CDH23: variants seen among roughly 807,000 people sequenced by gnomAD.
The protein encoded by CDH23 is cadherin related 23.
CDH23 carries 189 observed loss-of-function variants against 317.1 expected under a neutral mutation model. The observed-to-expected ratio is 0.60, with a 90% confidence interval of 0.53 to 0.67. The LOEUF (loss-of-function observed/expected upper bound fraction) is 0.67, where lower values mean the gene tolerates loss of function less well. Among genes scored for constraint, CDH23 ranks in the 30% least tolerant of loss-of-function variants. CDH23 has a pLI of 0.00. For missense variants in CDH23, 4,401 were observed against 4,592.4 expected (o/e 0.96, Z 1.20); for synonymous variants, 1,839 against 1,876.8 (o/e 0.98, Z 0.52).
rs143222936 is a variant in CDH23, at chr10:71,815,451, C to T, written c.*173C>T. 2.4e-3 allele frequency: 1,321 copies of T among 543,838 alleles called. 16 individuals carry two copies. Among genetic ancestry groups the T allele is most frequent in the African/African-American group, 0.021 (1,107 of 53,250 alleles). The allele number at this position is 543,838 out of a possible 1,614,324, so 33.7% of individuals were successfully genotyped here. Reference sequence around the variant, plus strand: ...CTGCTCAGATCCCACTTTTGCCAGACGCTCATTCAGCATCTGACCTCTACC... The same window carrying T: ...CTGCTCAGATCCCACTTTTGCCAGATGCTCATTCAGCATCTGACCTCTACC... On this transcript the variant is annotated 3_prime_UTR_variant, in exon 70 of 70. Transcript: ENST00000224721.
intron 60 of CDH23, among the ~76,000 whole-genome samples, chr10:71,808,466 C>T (rs368228757): frequency 1.7e-3 from 265 of 152,298 alleles, no homozygotes; most frequent in African/African-American, 5.3e-3. Flanking sequence ...TTTTCAGTTG[C>T]GCACATCGCC....
At chr10:71,637,847 A>G (rs550051971) in intron 11 of CDH23, among the ~76,000 whole-genome samples, 33 of 77,712 alleles carry the variant, frequency 4.2e-4, no homozygotes, top group Middle Eastern at 0.01. Context: ...CTACCCCCCG[A>G]CCCCAAACAT....
chr10:71,413,263 C>A (rs1028249932), intron 1 of CDH23, among the ~76,000 whole-genome samples: 2 of 152,090 alleles, frequency 1.3e-5, no homozygotes. Context: ...GATCTTAGCA[C>A]CCTTGTTAAA....
intron 2 of CDH23, among the ~76,000 whole-genome samples, chr10:71,440,169 C>T (rs1240268851): frequency 6.6e-6 from 1 of 152,188 alleles, no homozygotes; most frequent in Non-Finnish European, 1.5e-5. Flanking sequence ...GGGAAGGAGG[C>T]ACCTGTGACC....
chr10:71,677,951 C>A (rs965538292), intron 16 of CDH23, among the ~76,000 whole-genome samples: 2 of 152,022 alleles, frequency 1.3e-5, no homozygotes, highest in African/African-American at 4.8e-5. Context: ...TCTTGACCAA[C>A]CCCCTAGGGA....
chr10:71,809,704 TG>T, intron 60 of CDH23, 115 bp from the exon 61 acceptor site: 1 of 1,424,554 alleles, frequency 7.0e-7, no homozygotes, highest in Non-Finnish European at 9.5e-7. Context: ...CTGTGCCCTG[TG>T]GGCATTTGTG....
intron 6 of CDH23, among the ~76,000 whole-genome samples, chr10:71,530,465 C>T (rs557688682): frequency 2.5e-4 from 38 of 152,384 alleles, no homozygotes; most frequent in Middle Eastern, 3.4e-3. Context: ...GAAGCACCCC[C>T]TTTCCACTCT....
intron 11 of CDH23, among the ~76,000 whole-genome samples, chr10:71,634,451 G>T (rs1862166273): frequency 6.6e-6 from 1 of 152,276 alleles, no homozygotes; most frequent in African/African-American, 2.4e-5. Context: ...ATTGAGGCCA[G>T]GTAGAGTGAT....
At position 71,646,585 on chromosome 10, in the gene CDH23, G is replaced by C. The variant is rs771847607; in HGVS notation, c.1417G>C (p.Val473Leu). Residue 473 changes from valine to leucine, a missense_variant, in exon 14 of 70, where the codon GTC becomes CTC. By Grantham distance (32) the Val-to-Leu change is conservative (BLOSUM62 1). Around this residue, in one of 3 missense-constraint regions of CDH23, gnomAD observed 3,068 missense variants for 3,203.3 expected, o/e 0.96. Transcript: ENST00000224721. ...GTACAACATCAGCCTGTACGAGAAC[G>C]TCACCGTGGGGACCTCTGTGCTGAC... ...PLYNISLYEN[V>L]TVGTSVLTVL... 12 of 1,613,874 alleles carry C rather than the reference G, an allele frequency of 7.4e-6. No individual in the cohort carries two copies. The African/African-American group carries it at 1.5e-4, about 20-fold the overall frequency.
chr10:71,573,758 T>C (rs1857975888), intron 8 of CDH23, among the ~76,000 whole-genome samples: 1 of 152,226 alleles, frequency 6.6e-6, no homozygotes, highest in Admixed American at 6.5e-5. Flanking sequence ...ATGGCTGGGC[T>C]GGGGGAGCCA....
chr10:71,687,798 C>T lies in CDH23; in HGVS notation c.2059+79C>T, dbSNP rs1227086. Reference sequence around the variant, plus strand: ...CACGGCACCCAGGATGTGCAGACCCCGGCTCTGCACACAAATTGTGGGAGG... The same window carrying T: ...CACGGCACCCAGGATGTGCAGACCCTGGCTCTGCACACAAATTGTGGGAGG... On this transcript the variant is annotated intron_variant, in intron 19 of 69. Coordinates refer to ENST00000224721, the MANE Select transcript of CDH23 (RefSeq NM_022124.6). The T allele has an allele frequency of 0.27, 343,892 of 1,291,240 alleles. 47,113 individuals are homozygous for T. The highest frequency in any genetic ancestry group is 0.36 in the South Asian group (29,296 of 82,198). The allele number at this position is 1,291,240 out of a possible 1,614,324, so 80.0% of individuals were successfully genotyped here.
At chr10:71,647,089 G>C in intron 14 of CDH23, 5 of 985,344 alleles carry the variant, frequency 5.1e-6, no homozygotes, top group Non-Finnish European at 6.0e-6. Context: ...ATTTGTATCT[G>C]TCAGTACTCT....
chr10:71,641,382 C>T (rs1862544531), intron 11 of CDH23, among the ~76,000 whole-genome samples: 1 of 152,208 alleles, frequency 6.6e-6, no homozygotes, highest in East Asian at 1.9e-4. Context: ...ACCTCCCTCT[C>T]CCCTGCTGCA....
chr10:71,501,522 G>C (rs1227912694), intron 3 of CDH23, among the ~76,000 whole-genome samples: 1 of 152,192 alleles, frequency 6.6e-6, no homozygotes, highest in Non-Finnish European at 1.5e-5. Context: ...GCCAGTGTCA[G>C]AGCTCACTCT....
intron 3 of CDH23, among the ~76,000 whole-genome samples, chr10:71,467,192 G>T (rs541636453): frequency 7.2e-5 from 11 of 152,242 alleles, no homozygotes; most frequent in African/African-American, 2.6e-4. Context: ...GACCTGGGCT[G>T]CTGGGTCCTA....
At chr10:71,411,400 C>T (rs185221252) in intron 1 of CDH23, among the ~76,000 whole-genome samples, 64 of 151,940 alleles carry the variant, frequency 4.2e-4, no homozygotes, top group African/African-American at 8.4e-4. Flanking sequence ...GTAAGTAATT[C>T]GAAATTTTTT....
intron 3 of CDH23, among the ~76,000 whole-genome samples, chr10:71,483,756 A>G (rs1419025671): frequency 6.6e-6 from 1 of 152,192 alleles, no homozygotes; most frequent in Non-Finnish European, 1.5e-5. Context: ...CAGGTGGGGA[A>G]CTGAGGCATA....
intron 6 of CDH23, among the ~76,000 whole-genome samples, chr10:71,536,533 G>A (rs1564639044): frequency 6.6e-6 from 1 of 152,196 alleles, no homozygotes; most frequent in African/African-American, 2.4e-5. Context: ...GCTGGGAGGA[G>A]GACGATCACG....
chr10:71,540,420 G>A (rs80285740), intron 6 of CDH23, among the ~76,000 whole-genome samples: 14 of 151,998 alleles, frequency 9.2e-5, no homozygotes, highest in Admixed American at 4.6e-4. Context: ...TGTCTCACCC[G>A]CCCCAGCCTT....
Sources: gnomAD v4.1 joint callset for allele counts (sites outside exome capture counted in the v4.1 genomes callset) on GRCh38, gnomAD v4.1.1 for gene constraint, gnomAD v4.1.1 regional missense constraint, MANE v1.5 for transcripts, NCBI Gene and HGNC (gene_info 2026-07-23, HGNC 2026-07-21) for gene names.